The following EPHB1 variants were observed in gnomAD, a reference collection of about 807,000 sequenced individuals.
The protein encoded by EPHB1 is ephrin type-B receptor 1.
EPHB1 carries 30 observed loss-of-function variants against 94.4 expected under a neutral mutation model. The observed-to-expected ratio is 0.32, with a 90% CI of 0.24 to 0.43. EPHB1 has a LOEUF of 0.43. EPHB1 is among the 20% of genes least tolerant of loss of function. The pLI is 1.00. For missense variants in EPHB1, 1,055 were observed against 1,308.3 expected, an observed-to-expected ratio of 0.81 and a Z score of 2.99; for synonymous variants, 522 against 489.1, an observed-to-expected ratio of 1.07 and a Z score of -0.89.
chr3:135,216,729 A>G (rs1180895474), intron 12 of EPHB1, among the ~76,000 whole-genome samples: 2 of 78,086 alleles, frequency 2.6e-5, no homozygotes, highest in Non-Finnish European at 3.3e-5. Flanking sequence ...TCTCAGGGAA[A>G]AAAAAAAAAA....
chr3:135,159,891 C>G (rs971391310), intron 6 of EPHB1, among the ~76,000 whole-genome samples: 4 of 152,224 alleles, frequency 2.6e-5, no homozygotes, highest in Admixed American at 2.0e-4. Flanking sequence ...CTGAACTCCT[C>G]TAGGCCGTGC....
In EPHB1 at chr3:135,106,444, C is replaced by G; in HGVS notation, c.806-4C>G. On this transcript the variant is annotated splice_polypyrimidine_tract_variant and splice_region_variant and intron_variant, in intron 3 of 15. Coordinates refer to ENST00000398015, the MANE Select transcript of EPHB1 (RefSeq NM_004441.5). ...AATTATCACATGGTCTCTTTGTGTT[C>G]TAGCTTGCCCTGCAGGGACATTCAA... The G allele has an allele frequency of 6.2e-7, 1 of 1,613,928 alleles. No individual in the cohort carries two copies. The highest frequency in any genetic ancestry group is 2.2e-5 in the East Asian group (1 of 44,872).
chr3:135,009,172 T>C (rs1280865824), intron 3 of EPHB1, among the ~76,000 whole-genome samples: 1 of 152,162 alleles, frequency 6.6e-6, no homozygotes, highest in African/African-American at 2.4e-5. Context: ...CAGGAAAGGT[T>C]TGAGGCCCTC....
At chr3:134,978,783 G>C (rs1934294050) in intron 3 of EPHB1, among the ~76,000 whole-genome samples, 1 of 152,234 alleles carries the variant, frequency 6.6e-6, no homozygotes, top group Non-Finnish European at 1.5e-5. Flanking sequence ...ACAGCCTCCA[G>C]GTTGCTCCTG....
chr3:134,930,246 G>T (rs1018463705), intron 2 of EPHB1, among the ~76,000 whole-genome samples: 6 of 152,224 alleles, frequency 3.9e-5, no homozygotes, highest in African/African-American at 1.4e-4. Flanking sequence ...CCTACACAAA[G>T]CCCACAAATC....
chr3:135,054,639 A>G (rs1937295913), intron 3 of EPHB1, among the ~76,000 whole-genome samples: 1 of 152,226 alleles, frequency 6.6e-6, no homozygotes, highest in Non-Finnish European at 1.5e-5. Context: ...AGCACCAGCT[A>G]GCACGGATGT....
chr3:135,039,169 GGT>G (rs1936745256), intron 3 of EPHB1, among the ~76,000 whole-genome samples: 1 of 151,774 alleles, frequency 6.6e-6, no homozygotes, highest in Admixed American at 6.6e-5. Flanking sequence ...AGTGCCGATT[GGT>G]GTATTTACAA....
intron 12 of EPHB1, among the ~76,000 whole-genome samples, chr3:135,204,263 G>T (rs1023132692): frequency 6.6e-5 from 10 of 152,064 alleles, no homozygotes; most frequent in Non-Finnish European, 1.5e-4. Flanking sequence ...GAGTGCAATG[G>T]CATGATCTCG....
At chr3:134,948,772 C>T (rs2039264352) in intron 2 of EPHB1, among the ~76,000 whole-genome samples, 1 of 152,238 alleles carries the variant, frequency 6.6e-6, no homozygotes, top group Non-Finnish European at 1.5e-5. Flanking sequence ...GCTGCAGCCC[C>T]CTCAGGGCTC....
intron 6 of EPHB1, 44 bp from the exon 7 acceptor site, chr3:135,161,974 C>A (rs765939791): frequency 1.9e-6 from 3 of 1,566,166 alleles, no homozygotes; most frequent in South Asian, 1.2e-5. Flanking sequence ...GGGGGTGTAG[C>A]CTTCAGGAAT....
chr3:135,248,453 A>G lies in EPHB1; in HGVS notation c.2634A>G (p.Leu878=). Residue 878 remains leucine (L), a synonymous_variant, in exon 14 of 16, where the codon CTA becomes CTG. Coordinates refer to ENST00000398015, the MANE Select transcript of EPHB1 (RefSeq NM_004441.5). ...GGTTTGCGGAGATTGTCAACACCCT[A>G]GATAAGATGATCCGGAACCCGGCAA... ...RPRFAEIVNT[L]DKMIRNPASL... 1 of 1,613,620 alleles carries G rather than the reference A, an allele frequency of 6.2e-7. No individual in the cohort carries two copies. The highest frequency in any genetic ancestry group is 8.5e-7 in the Non-Finnish European group (1 of 1,179,652).
chr3:134,915,241 G>A (rs2038541547), intron 1 of EPHB1, among the ~76,000 whole-genome samples: 1 of 152,118 alleles, frequency 6.6e-6, no homozygotes, highest in African/African-American at 2.4e-5. Flanking sequence ...TTGGAAACAG[G>A]GTTAATGCAG....
chr3:134,885,189 G>A (rs1560281717), intron 1 of EPHB1, among the ~76,000 whole-genome samples: 1 of 152,216 alleles, frequency 6.6e-6, no homozygotes, highest in Non-Finnish European at 1.5e-5. Flanking sequence ...TGGGATTGAT[G>A]GAAGATGAGG....
At chr3:135,002,536 C>A (rs1559790125) in intron 3 of EPHB1, among the ~76,000 whole-genome samples, 1 of 151,674 alleles carries the variant, frequency 6.6e-6, no homozygotes, top group Admixed American at 6.6e-5. Flanking sequence ...AGGAATGGTA[C>A]CAGTTCCTCC....
intron 15 of EPHB1, among the ~76,000 whole-genome samples, chr3:135,257,275 TG>T (rs1933440264): frequency 6.6e-6 from 1 of 152,230 alleles, no homozygotes. Flanking sequence ...TGCGTTCCTT[TG>T]GAGGAGGAGA....
chr3:135,135,682 AC>A (rs1282705065), intron 5 of EPHB1, among the ~76,000 whole-genome samples: 1 of 151,930 alleles, frequency 6.6e-6, no homozygotes, highest in African/African-American at 2.4e-5. Flanking sequence ...GTATGGTATG[AC>A]CCCTCTCTGT....
chr3:135,244,860 G>C (rs1223606720), intron 13 of EPHB1, among the ~76,000 whole-genome samples: 1 of 152,184 alleles, frequency 6.6e-6, no homozygotes, highest in African/African-American at 2.4e-5. Flanking sequence ...ATTGATCTCA[G>C]TATTTTTTTC....
At chr3:135,212,736 G>A (rs1438570595) in intron 12 of EPHB1, among the ~76,000 whole-genome samples, 1 of 152,212 alleles carries the variant, frequency 6.6e-6, no homozygotes, top group African/African-American at 2.4e-5. Flanking sequence ...GAGCCACTGA[G>A]CAGACTATGG....
chr3:135,053,793 C>T (rs1466802579), intron 3 of EPHB1, among the ~76,000 whole-genome samples: 1 of 152,046 alleles, frequency 6.6e-6, no homozygotes, highest in Non-Finnish European at 1.5e-5. Flanking sequence ...TTGAGAACAG[C>T]CCAAGCAACA....
Sources: allele counts gnomAD v4.1 joint callset (sites outside exome capture counted in the v4.1 genomes callset), GRCh38; gene constraint gnomAD v4.1.1; transcripts MANE v1.5; gene names NCBI Gene and HGNC (gene_info 2026-07-23, HGNC 2026-07-21).